The following LRRC41 variants were observed in gnomAD, a reference collection of about 807,000 sequenced individuals.
LRRC41 encodes the protein leucine rich repeat containing 41.
LRRC41 carries 17 observed loss-of-function variants against 72.1 expected under a neutral mutation model. That is an observed-to-expected ratio of 0.24 (90% CI 0.16 to 0.35). The LOEUF is 0.35. Ranked by LOEUF, LRRC41 falls within the 10% of genes least tolerant of loss-of-function variation. The probability of loss-of-function intolerance (pLI) is 1.00; values close to 1 mark genes in which losing one functional copy is unlikely to be tolerated. For synonymous variants in LRRC41, 427 were observed against 431.0 expected (o/e 0.99, Z 0.11); for missense variants, 759 against 1,065.0 (o/e 0.71, Z 4.00).
At chr1:46,301,506 C>G (rs1661222451) in intron 1 of LRRC41, among the ~76,000 whole-genome samples, 1 of 151,856 alleles carries the variant, frequency 6.6e-6, no homozygotes, top group African/African-American at 2.4e-5. Context: ...GCACACCGGC[C>G]GACTTCTAAA....
chr1:46,295,099 G>C (rs532860130), intron 3 of LRRC41, among the ~76,000 whole-genome samples: 2 of 151,872 alleles, frequency 1.3e-5, no homozygotes, highest in African/African-American at 4.8e-5. Flanking sequence ...CTCTCCTGTT[G>C]CCCAGGCTGG....
rs377750514 is a variant in LRRC41 at position 46,289,677 on chromosome 1, C to T, written c.358-3178G>A. 1.1e-3 allele frequency among the ~76,000 whole-genome samples: 171 copies of T among 152,142 alleles called. 2 individuals carry two copies. In the South Asian group the frequency reaches 0.017, roughly 15 times the overall value. On this transcript the variant is annotated intron_variant, in intron 3 of 9. Transcript: ENST00000617190. ...TCAGGAGGCTGAGGCAGGAGAATGG[C>T]GTGAACCCGGGAGGCGGAGCTTGCA...
chr1:46,294,307 C>T (rs1432473503), intron 3 of LRRC41, among the ~76,000 whole-genome samples: 1 of 151,756 alleles, frequency 6.6e-6, no homozygotes, highest in Non-Finnish European at 1.5e-5. Flanking sequence ...GGGGTTTCTC[C>T]ATGTTGCCCA....
chr1:46,280,753 T>G (rs571758935), intron 5 of LRRC41, among the ~76,000 whole-genome samples, 193 bp from the exon 6 acceptor site: 1 of 152,304 alleles, frequency 6.6e-6, no homozygotes, highest in East Asian at 1.9e-4. Flanking sequence ...GTCCTTGCCC[T>G]TGTAGAAATT....
chr1:46,294,170 G>A lies in LRRC41; in HGVS notation c.357+3393C>T, dbSNP rs10158050. Among the ~76,000 whole-genome samples, 1,253 of 151,198 alleles carry A rather than the reference G, an allele frequency of 8.3e-3. 19 individuals carry two copies. Among genetic ancestry groups the A allele is most frequent in the Middle Eastern group, 0.039 (11 of 284 alleles). On this transcript the variant is annotated intron_variant, in intron 3 of 9. Transcript: ENST00000617190. ...GGCTCTATTGCCCAGGCTGGAGTGCGATGGTGTGATCTCGGCTCAGTGCAA... is the reference window on the plus strand; with the variant it reads ...GGCTCTATTGCCCAGGCTGGAGTGCAATGGTGTGATCTCGGCTCAGTGCAA...
rs1353031529 is a variant in LRRC41, at chr1:46,278,991, T to C, written c.2313A>G (p.Gln771=). The C allele has an allele frequency of 6.2e-7, 1 of 1,614,058 alleles. No homozygotes were observed. Among genetic ancestry groups the C allele is most frequent in the Non-Finnish European group, 8.5e-7 (1 of 1,180,018 alleles). ...TGACTGCATCCTGGTCCAGCCAGTT[T>C]TGGAAGAGGCGCAGGTGACCAAAGG... is the stretch of plus-strand genomic sequence containing the variant. ...RGAFGHLRLF[Q]NWLDQDAVTA... is the part of the protein sequence containing the mutation. Residue 771 remains glutamine, a synonymous_variant, in exon 10 of 10, where the codon CAA becomes CAG. Coordinates refer to ENST00000617190, the MANE Select transcript of LRRC41 (RefSeq NM_006369.5).
At chr1:46,290,970 G>T (rs926461107) in intron 3 of LRRC41, among the ~76,000 whole-genome samples, 1 of 137,030 alleles carries the variant, frequency 7.3e-6, no homozygotes, top group Admixed American at 8.5e-5. Context: ...TGTTGCCCAG[G>T]CTGGAGTACA....
At chr1:46,301,626 T>TC (rs969455497) in intron 1 of LRRC41, among the ~76,000 whole-genome samples, 5 of 151,260 alleles carry the variant, frequency 3.3e-5, no homozygotes, top group Admixed American at 3.3e-4. Context: ...GGAGCTTCAG[T>TC]CCCCCCAAAC....
chr1:46,279,292 C>A lies in LRRC41; in HGVS notation c.2144-35G>T. The A allele has an allele frequency of 6.2e-7, 1 of 1,609,254 alleles. No homozygotes were observed. The highest frequency in any genetic ancestry group is 1.1e-5 in the South Asian group (1 of 90,916). On this transcript the variant is annotated intron_variant, in intron 8 of 9. Coordinates refer to ENST00000617190, the MANE Select transcript of LRRC41 (RefSeq NM_006369.5). This position sits in a 1 kb window ranked among gnomAD's most constrained non-coding sequence, Gnocchi z 4.5. ...AGGGGAGAACGCCTATCACCTCCAC[C>A]CAAGAACAGGGGACAAGGGTATCCC... is the stretch of plus-strand genomic sequence containing the variant.
In LRRC41 at chr1:46,285,326, A is replaced by G; in HGVS notation, c.1495+36T>C. The G allele has an allele frequency of 6.2e-7, 1 of 1,606,996 alleles. No individual in the cohort carries two copies. The highest frequency in any genetic ancestry group is 8.5e-7 in the Non-Finnish European group (1 of 1,176,470). Reference sequence around the variant, plus strand: ...GGCACACAGCTGGTGCTGCTAGGCAATCTAAGCCCAATCCCTGCCACTCCA... The same window carrying G: ...GGCACACAGCTGGTGCTGCTAGGCAGTCTAAGCCCAATCCCTGCCACTCCA... On this transcript the variant is annotated intron_variant, in intron 4 of 9. Coordinates refer to ENST00000617190, the MANE Select transcript of LRRC41 (RefSeq NM_006369.5). This position sits in a 1 kb window ranked among gnomAD's most constrained non-coding sequence, Gnocchi z 5.3.
intron 3 of LRRC41, among the ~76,000 whole-genome samples, chr1:46,293,896 CCCA>C (rs1334318052): frequency 1.3e-5 from 2 of 151,598 alleles, no homozygotes; most frequent in Non-Finnish European, 2.9e-5. Context: ...AAGTAGTAAT[CCCA>C]GAGTAGCTGG....
chr1:46,285,833 G>A lies in LRRC41; in HGVS notation c.1024C>T (p.Leu342=), dbSNP rs1660873574. 1.9e-6 allele frequency: 3 copies of A among 1,593,544 alleles called. No homozygotes were observed. The highest frequency in any genetic ancestry group is 1.3e-5 in the African/African-American group (1 of 74,098). Reference sequence around the variant, plus strand: ...TCATGGGAGGTGGCTGGGGGGTGCAGCTCCCTCTTAAGGTCTGTTCCGCCT... The same window carrying A: ...TCATGGGAGGTGGCTGGGGGGTGCAACTCCCTCTTAAGGTCTGTTCCGCCT... The part of the protein sequence containing the change: ...TAGGTDLKRE[L]HPPATSHEAP... The change falls in exon 4 of 10, where the codon CTG becomes TTG. Residue 342 remains leucine, a synonymous_variant. Transcript: ENST00000617190. This position sits in a 1 kb window ranked among gnomAD's most constrained non-coding sequence, Gnocchi z 5.3.
intron 3 of LRRC41, among the ~76,000 whole-genome samples, chr1:46,291,669 C>G (rs1330160635): frequency 6.7e-6 from 1 of 148,456 alleles, no homozygotes; most frequent in Non-Finnish European, 1.5e-5. Flanking sequence ...AAGTGATTCT[C>G]CTGCCTCAGC....
intron 3 of LRRC41, among the ~76,000 whole-genome samples, chr1:46,294,742 G>A (rs1346977065): frequency 5.3e-5 from 8 of 151,738 alleles, no homozygotes; most frequent in East Asian, 1.9e-4. Flanking sequence ...CTAAAGGCAC[G>A]TGCCACCACG....
Position 46,279,279 on chromosome 1 carries a change from C to T in LRRC41, c.2144-22G>A, listed in dbSNP as rs777063087. On this transcript the variant is annotated intron_variant, in intron 8 of 9. Coordinates refer to ENST00000617190, the MANE Select transcript of LRRC41 (RefSeq NM_006369.5). The surrounding 1 kb of genome is among the most constrained non-coding windows in gnomAD (Gnocchi z 4.5). ...TTCCCTGGAGAGAAGGGGAGAACGC[C>T]TATCACCTCCACCCAAGAACAGGGG... 4 of 1,612,662 alleles carry T rather than the reference C, an allele frequency of 2.5e-6. No homozygotes were observed. The East Asian group carries it at 6.7e-5, about 27-fold the overall frequency.
At position 46,277,978 on chromosome 1, in the gene LRRC41, C is replaced by G. The variant is rs2148308202; in HGVS notation, c.*887G>C. 1.2e-6 allele frequency: 2 copies of G among 1,614,164 alleles called. No individual in the cohort carries two copies. The highest frequency in any genetic ancestry group is 1.7e-6 in the Non-Finnish European group (2 of 1,180,038). ...AAGCTAGCCTCAGTGACACACATGACAGGTGGGGAAGTGCCCTAACCATTA... is the reference window on the plus strand; with the variant it reads ...AAGCTAGCCTCAGTGACACACATGAGAGGTGGGGAAGTGCCCTAACCATTA... On this transcript the variant is annotated 3_prime_UTR_variant, in exon 10 of 10. Transcript: ENST00000617190.
chr1:46,301,070 G>A (rs1661212468), intron 1 of LRRC41, among the ~76,000 whole-genome samples: 1 of 152,116 alleles, frequency 6.6e-6, no homozygotes, highest in African/African-American at 2.4e-5. Context: ...TTAGGGGGAA[G>A]AGGCCACACG....
In LRRC41 at chr1:46,286,756, G is replaced by T. The variant is rs537151396; in HGVS notation, c.358-257C>A. Reference sequence around the variant, plus strand: ...TTCCAGAGACCATGCTTTTATTATAGTGTCTCCACTGAAACACTCACCCCT... The same window carrying T: ...TTCCAGAGACCATGCTTTTATTATATTGTCTCCACTGAAACACTCACCCCT... On this transcript the variant is annotated intron_variant, in intron 3 of 9. Transcript: ENST00000617190. The surrounding 1 kb of genome is among the most constrained non-coding windows in gnomAD (Gnocchi z 5.5). Among the ~76,000 whole-genome samples, 3 of 152,288 alleles carry T rather than the reference G, an allele frequency of 2.0e-5. No homozygotes were observed. The East Asian group carries it at 5.8e-4, about 29-fold the overall frequency.
chr1:46,301,941 C>G lies in LRRC41; in HGVS notation c.199+1183G>C, dbSNP rs1173580519. Reference sequence around the variant, plus strand: ...CAGCCTCTCAGGCCCGAGGCCTCCCCTGTCCCCAGCGCGGCTAGGCCTGCT... The same window carrying G: ...CAGCCTCTCAGGCCCGAGGCCTCCCGTGTCCCCAGCGCGGCTAGGCCTGCT... On this transcript the variant is annotated intron_variant, in intron 1 of 9. Coordinates refer to ENST00000617190, the MANE Select transcript of LRRC41 (RefSeq NM_006369.5). The G allele has an allele frequency of 1.0e-5, 10 of 985,164 alleles. No homozygotes were observed. The East Asian group carries it at 1.1e-3, about 112-fold the overall frequency. 61.0% of individuals were successfully genotyped at this position (985,164 alleles called of 1,614,324 possible).
Sources: allele counts gnomAD v4.1 joint callset (sites outside exome capture counted in the v4.1 genomes callset), GRCh38; gene constraint gnomAD v4.1.1; non-coding constraint Gnocchi (gnomAD v3.1); transcripts MANE v1.5; gene names NCBI Gene and HGNC (gene_info 2026-07-23, HGNC 2026-07-21).